The following CNTN4 variants were observed in gnomAD, a reference collection of about 807,000 sequenced individuals.
CNTN4 encodes the protein contactin 4, also known as contactin-4.
Under a neutral mutation model 122.5 loss-of-function variants are expected in CNTN4, and 77 were observed. That is an observed-to-expected ratio of 0.63 (90% CI 0.52 to 0.76). CNTN4 has a LOEUF of 0.76. Among genes scored for constraint, CNTN4 ranks in the 30% least tolerant of loss-of-function variants. The probability of loss-of-function intolerance (pLI) is 0.00; values close to 1 mark genes in which losing one functional copy is unlikely to be tolerated. For synonymous variants in CNTN4, 512 were observed against 447.0 expected, an observed-to-expected ratio of 1.15 and a Z score of -1.83; for missense variants, 1,256 against 1,259.1, an observed-to-expected ratio of 1.00 and a Z score of 0.04.
intron 6 of CNTN4, among the ~76,000 whole-genome samples, chr3:2,766,543 A>C (rs1412630933): frequency 6.6e-6 from 1 of 152,202 alleles, no homozygotes; most frequent in African/African-American, 2.4e-5. Flanking sequence ...GAGCTAAGCT[A>C]TGAGGACGCA....
At chr3:2,538,372 T>G (rs2077893820) in intron 3 of CNTN4, among the ~76,000 whole-genome samples, 1 of 152,132 alleles carries the variant, frequency 6.6e-6, no homozygotes. Context: ...TGGAGTAAAC[T>G]CTGGGATTAA....
At chr3:2,934,131 G>A (rs2094548222) in intron 13 of CNTN4, among the ~76,000 whole-genome samples, 1 of 152,112 alleles carries the variant, frequency 6.6e-6, no homozygotes, top group Non-Finnish European at 1.5e-5. Context: ...ACGTTACCTT[G>A]GGCAGAGTAC....
At chr3:2,919,794 A>C (rs2094409459) in intron 12 of CNTN4, among the ~76,000 whole-genome samples, 1 of 152,226 alleles carries the variant, frequency 6.6e-6, no homozygotes, top group South Asian at 2.1e-4. Flanking sequence ...GGATGGGTCA[A>C]AGGAGGTTAA....
At chr3:2,768,072 A>T (rs1040467615) in intron 6 of CNTN4, among the ~76,000 whole-genome samples, 62 of 152,346 alleles carry the variant, frequency 4.1e-4, no homozygotes, top group African/African-American at 1.5e-3. Flanking sequence ...GCAGTTAGAG[A>T]TGAACAAATG....
chr3:2,581,632 T>C (rs2079941611), intron 4 of CNTN4, among the ~76,000 whole-genome samples: 1 of 152,212 alleles, frequency 6.6e-6, no homozygotes, highest in South Asian at 2.1e-4. Context: ...ACCAGTTTTT[T>C]TTCTCTTGTA....
chr3:2,990,677 C>T (rs1015078276), intron 14 of CNTN4, among the ~76,000 whole-genome samples: 10 of 152,262 alleles, frequency 6.6e-5, no homozygotes, highest in African/African-American at 1.4e-4. Context: ...CACTGAATCA[C>T]GATGCAAAGC....
rs75458869 is a variant in CNTN4, at chr3:2,746,247, G to A, written c.358+550G>A. Among the ~76,000 whole-genome samples, 1,489 of 152,242 alleles carry A rather than the reference G, an allele frequency of 9.8e-3. 4 individuals carry two copies. The highest frequency in any genetic ancestry group is 0.016 in the Non-Finnish European group (1,092 of 68,012). On this transcript the variant is annotated intron_variant, in intron 6 of 24. Coordinates refer to ENST00000418658, the MANE Select transcript of CNTN4 (RefSeq NM_175607.3). The stretch of plus-strand genomic sequence containing the variant: ...CAATTAATCCTACAATTCTCTAATT[G>A]TTTCCTATTTCACAGAGTTGAAAAA...
At chr3:2,674,681 C>G (rs1407056758) in intron 4 of CNTN4, among the ~76,000 whole-genome samples, 1 of 152,090 alleles carries the variant, frequency 6.6e-6, no homozygotes, top group Non-Finnish European at 1.5e-5. Context: ...TCACCTGAAC[C>G]CGGGAGGCGG....
At chr3:2,150,078 G>A (rs564307486) in intron 2 of CNTN4, among the ~76,000 whole-genome samples, 1 of 151,086 alleles carries the variant, frequency 6.6e-6, no homozygotes, top group Non-Finnish European at 1.5e-5. Flanking sequence ...TATTCTACAA[G>A]ATGCTTAGCA....
intron 2 of CNTN4, among the ~76,000 whole-genome samples, chr3:2,211,437 C>T (rs2038610971): frequency 6.6e-6 from 1 of 152,126 alleles, no homozygotes; most frequent in South Asian, 2.1e-4. Flanking sequence ...CAAACTTTTC[C>T]TACCGTATGC....
At chr3:2,733,078 G>C (rs2088816928) in intron 4 of CNTN4, among the ~76,000 whole-genome samples, 1 of 152,162 alleles carries the variant, frequency 6.6e-6, no homozygotes, top group South Asian at 2.1e-4. Context: ...GCTACATTGA[G>C]AAACAGTACA....
chr3:2,715,795 A>C (rs1471333502), intron 4 of CNTN4, among the ~76,000 whole-genome samples: 3 of 152,134 alleles, frequency 2.0e-5, no homozygotes, highest in Non-Finnish European at 4.4e-5. Flanking sequence ...TTATGAAGAC[A>C]GTATCATGTC....
chr3:2,592,599 T>A (rs2080552234), intron 4 of CNTN4, among the ~76,000 whole-genome samples: 1 of 152,208 alleles, frequency 6.6e-6, no homozygotes, highest in Admixed American at 6.5e-5. Context: ...CTCTCTCTTT[T>A]TGCCTGCCAA....
intron 7 of CNTN4, among the ~76,000 whole-genome samples, chr3:2,844,466 G>T (rs551634389): frequency 6.6e-6 from 1 of 152,302 alleles, no homozygotes; most frequent in African/African-American, 2.4e-5. Flanking sequence ...CCCTTCAGAA[G>T]TGTGTGTTCA....
At chr3:2,710,687 G>A (rs964792798) in intron 4 of CNTN4, among the ~76,000 whole-genome samples, 3 of 152,096 alleles carry the variant, frequency 2.0e-5, no homozygotes, top group Admixed American at 1.3e-4. Context: ...TTAATTAAAT[G>A]CTTCACTTCT....
rs2075387140 is a variant in CNTN4, at chr3:2,463,468, A to T, written c.-88-107948A>T. On this transcript the variant is annotated intron_variant, in intron 3 of 24. Coordinates refer to ENST00000418658, the MANE Select transcript of CNTN4 (RefSeq NM_175607.3). ...TATACTGTTTTTTGGTTCATGTGAA[A>T]GATATTATTGGCCAGGTGCGGTGGC... 2.6e-5 allele frequency among the ~76,000 whole-genome samples: 4 copies of T among 152,170 alleles called. No individual in the cohort carries two copies. In the South Asian group the frequency reaches 8.3e-4, roughly 31 times the overall value.
At position 2,988,434 on chromosome 3, in the gene CNTN4, T is replaced by G; in HGVS notation, c.1448T>G (p.Phe483Cys). 1 of 1,613,832 alleles carries G rather than the reference T, an allele frequency of 6.2e-7. No individual in the cohort carries two copies. The highest frequency in any genetic ancestry group is 8.5e-7 in the Non-Finnish European group (1 of 1,179,812). The change falls in exon 14 of 25, where the codon TTT becomes TGT. Residue 483 changes from phenylalanine to cysteine, a missense_variant. Physicochemically the swap from Phe to Cys is radical, Grantham distance 205. Coordinates refer to ENST00000418658, the MANE Select transcript of CNTN4 (RefSeq NM_175607.3). The part of the protein sequence containing the change: ...GSYTCIATNH[F>C]GTASSTGNLV... ...TATACCTGTATAGCCACTAACCATT[T>G]TGGAACTGCTAGCAGTACTGGAAAC...
At chr3:2,176,946 C>G (rs1162634731) in intron 2 of CNTN4, among the ~76,000 whole-genome samples, 3 of 152,076 alleles carry the variant, frequency 2.0e-5, no homozygotes. Context: ...AAAGAGTCAC[C>G]TTTGTACCCA....
rs145268385 is a variant in CNTN4 at position 2,411,810 on chromosome 3, A to G, written c.-89+72577A>G. Among the ~76,000 whole-genome samples, 253 of 152,242 alleles carry G rather than the reference A, an allele frequency of 1.7e-3. 1 individual carries two copies. The highest frequency in any genetic ancestry group is 5.8e-3 in the African/African-American group (241 of 41,510). Reference sequence around the variant, plus strand: ...TTCTGTCGTTGCTGTATTTCGAAGCATCGTTTTCCCCTTTTCCATTGAGAT... The same window carrying G: ...TTCTGTCGTTGCTGTATTTCGAAGCGTCGTTTTCCCCTTTTCCATTGAGAT... On this transcript the variant is annotated intron_variant, in intron 3 of 24. Transcript: ENST00000418658.
Sources: allele counts gnomAD v4.1 joint callset (sites outside exome capture counted in the v4.1 genomes callset), GRCh38; gene constraint gnomAD v4.1.1; transcripts MANE v1.5; gene names NCBI Gene and HGNC (gene_info 2026-07-23, HGNC 2026-07-21).